The following SEMA4D variants were observed in gnomAD, a reference collection of about 807,000 sequenced individuals.
SEMA4D encodes semaphorin 4D, also known as semaphorin-4D.
SEMA4D carries 22 observed loss-of-function variants against 74.8 expected under a neutral mutation model. The observed-to-expected ratio is 0.29, with a 90% CI of 0.21 to 0.42. The LOEUF is 0.42. SEMA4D is among the 10% of genes least tolerant of loss of function. The pLI is 1.00. For missense variants in SEMA4D, 937 were observed against 1,118.4 expected, an observed-to-expected ratio of 0.84 and a Z score of 2.31; for synonymous variants, 445 against 463.7, an observed-to-expected ratio of 0.96 and a Z score of 0.52.
At chr9:89,420,419 G>A (rs561265468) in intron 2 of SEMA4D, among the ~76,000 whole-genome samples, 1 of 152,312 alleles carries the variant, frequency 6.6e-6, no homozygotes, top group Non-Finnish European at 1.5e-5. Flanking sequence ...AGAATCCAAT[G>A]GCCTGTTCAT....
rs149375386 is a variant in SEMA4D, at chr9:89,379,243, T to C, written c.2050A>G (p.Thr684Ala). ...GAGGAGGTGGCCTGCACGGCTGGGG[T>C]TGGGGGAGAAGACCCTTGGGTGGAT... ...VASTQGSSPP[T>A]PAVQATSSGA... Residue 684 changes from threonine to alanine, a missense_variant, in exon 16 of 16, where the codon ACC becomes GCC. By Grantham distance (58) the Thr-to-Ala change is moderately conservative. Coordinates refer to ENST00000422704, the MANE Select transcript of SEMA4D (RefSeq NM_001371194.2). 60 of 1,613,586 alleles carry C rather than the reference T, an allele frequency of 3.7e-5. No homozygotes were observed. The highest frequency in any genetic ancestry group is 4.9e-5 in the Non-Finnish European group (58 of 1,179,876).
chr9:89,415,252 C>T (rs941351326), intron 2 of SEMA4D, among the ~76,000 whole-genome samples: 2 of 152,172 alleles, frequency 1.3e-5, no homozygotes, highest in Non-Finnish European at 2.9e-5. Context: ...AATCATCTTC[C>T]ACTGGCCTAA....
chr9:89,362,264 A>G lies in SEMA4D; in HGVS notation c.*138T>C. ...GCCTCTGCCCATCAGGTGGTGGCCC[A>G]ATGGCTGTGTTCAGAGCAGGCTTGG... On this transcript the variant is annotated 3_prime_UTR_variant, in exon 19 of 19. Coordinates refer to the SEMA4D transcript ENST00000339861. 4 of 1,466,822 alleles carry G rather than the reference A, an allele frequency of 2.7e-6. No individual in the cohort carries two copies. The South Asian group carries it at 3.5e-5, about 13-fold the overall frequency. 90.9% of individuals were successfully genotyped at this position (1,466,822 alleles called of 1,614,324 possible).
intron 1 of SEMA4D, among the ~76,000 whole-genome samples, chr9:89,465,886 T>TG (rs1231637526): frequency 6.6e-6 from 1 of 152,212 alleles, no homozygotes; most frequent in East Asian, 1.9e-4. Flanking sequence ...GAGGAGAAGA[T>TG]GGAGTCCACA....
At chr9:89,363,974 C>A in intron 16 of SEMA4D, 1 of 1,613,956 alleles carries the variant, frequency 6.2e-7, no homozygotes, top group East Asian at 2.2e-5. Context: ...CCGTTTCCAC[C>A]TCTGAGTCCA....
At chr9:89,466,462 C>T (rs1381255091) in intron 1 of SEMA4D, among the ~76,000 whole-genome samples, 1 of 152,190 alleles carries the variant, frequency 6.6e-6, no homozygotes, top group Non-Finnish European at 1.5e-5. Context: ...CACGCTAACA[C>T]TCACAGGCCA....
chr9:89,478,477 A>C (rs1393784785), intron 1 of SEMA4D, among the ~76,000 whole-genome samples: 1 of 152,148 alleles, frequency 6.6e-6, no homozygotes, highest in Non-Finnish European at 1.5e-5. Flanking sequence ...TCTGACCTCC[A>C]GAACTGGGAG....
At chr9:89,447,848 C>T (rs917548995) in intron 2 of SEMA4D, among the ~76,000 whole-genome samples, 1 of 152,164 alleles carries the variant, frequency 6.6e-6, no homozygotes. Context: ...AGGGCCTTTG[C>T]TCCTTTGTTC....
In SEMA4D at chr9:89,392,453, T is replaced by G; in HGVS notation, c.592A>C (p.Arg198=). The G allele has an allele frequency of 6.2e-7, 1 of 1,613,720 alleles. No homozygotes were observed. Among genetic ancestry groups the G allele is most frequent in the Non-Finnish European group, 8.5e-7 (1 of 1,179,664 alleles). ...ISRNSSHSPL[R]TEYAIPWLNE... The stretch of plus-strand genomic sequence containing the variant: ...AGCCAAGGGATTGCATATTCTGTCC[T>G]CAGAGGACTGTGGGAAGAATTTCGG... The change falls in exon 8 of 16, where the codon AGG becomes CGG. Residue 198 remains arginine, a synonymous_variant. Transcript: ENST00000422704.
At chr9:89,364,807 G>A (rs1236807356) in intron 16 of SEMA4D, 1 of 152,272 alleles carries the variant, frequency 6.6e-6, no homozygotes, top group Admixed American at 6.5e-5. Context: ...GTTCCCCTGT[G>A]GCCCAGGCTG....
downstream of SEMA4D, among the ~76,000 whole-genome samples, chr9:89,374,429 G>A (rs1035724481): frequency 1.8e-4 from 27 of 152,366 alleles, no homozygotes; most frequent in African/African-American, 6.3e-4. Flanking sequence ...CAGCAGTGAA[G>A]GCAGTGTGGC....
intron 16 of SEMA4D, among the ~76,000 whole-genome samples, chr9:89,371,973 GGTGTGTGTCTGGGGTGTGGT>G (rs1835017899): frequency 8.2e-6 from 1 of 122,432 alleles, no homozygotes; most frequent in Non-Finnish European, 1.8e-5. Context: ...TGTGGGGTGT[GGTGTGTGTCTGGGGTGTGGT>G]GTGTGTCTGG....
intron 9 of SEMA4D, 25 bp from the exon 10 acceptor site, chr9:89,389,072 G>A (rs1156324611): frequency 1.2e-6 from 2 of 1,613,106 alleles, no homozygotes; most frequent in Non-Finnish European, 1.7e-6. Context: ...AGAAGACGTG[G>A]TGGGCCGAGA....
intron 2 of SEMA4D, among the ~76,000 whole-genome samples, chr9:89,454,076 C>T (rs1855329785): frequency 6.6e-6 from 1 of 152,066 alleles, no homozygotes; most frequent in Admixed American, 6.5e-5. Flanking sequence ...CCAGGATGGT[C>T]TCGATAGAAT....
At chr9:89,480,652 C>A (rs1456827078) in intron 1 of SEMA4D, among the ~76,000 whole-genome samples, 3 of 152,250 alleles carry the variant, frequency 2.0e-5, no homozygotes, top group Non-Finnish European at 2.9e-5. Flanking sequence ...TCCGCAGCCA[C>A]TGGCCCGGGT....
intron 1 of SEMA4D, among the ~76,000 whole-genome samples, chr9:89,476,374 C>A (rs542725883): frequency 3.9e-5 from 6 of 152,290 alleles, no homozygotes; most frequent in Admixed American, 2.6e-4. Context: ...GCCACAGTAC[C>A]CAGATATCTG....
At chr9:89,476,247 G>T (rs1328090501) in intron 1 of SEMA4D, among the ~76,000 whole-genome samples, 1 of 151,878 alleles carries the variant, frequency 6.6e-6, no homozygotes, top group African/African-American at 2.4e-5. Flanking sequence ...CCTTGAGCAA[G>T]CTCACACACC....
rs1835943632 is a variant in SEMA4D at position 89,377,275 on chromosome 9, A to G, written c.*1429T>C. 1 of 568,198 alleles carries G rather than the reference A, an allele frequency of 1.8e-6. No individual in the cohort carries two copies. Among genetic ancestry groups the G allele is most frequent in the African/African-American group, 1.9e-5 (1 of 53,276 alleles). 35.2% of individuals were successfully genotyped at this position (568,198 alleles called of 1,614,324 possible). A position where few individuals can be genotyped will look rare whatever the true frequency, so the allele number is the denominator to read the frequency against. ...TCTCATTTATTTGGGTACTTTCCAA[A>G]TGTATACAATTCAAAGTAGAAAAAT... On this transcript the variant is annotated 3_prime_UTR_variant, in exon 16 of 16. Coordinates refer to ENST00000422704, the MANE Select transcript of SEMA4D (RefSeq NM_001371194.2).
At chr9:89,370,849 CGTGTGTGTGTGGGATGTGGCGTGTGGG>C (rs1564495909) in intron 16 of SEMA4D, among the ~76,000 whole-genome samples, 7 of 59,164 alleles carry the variant, frequency 1.2e-4, no homozygotes, top group Non-Finnish European at 2.0e-4. Flanking sequence ...GTGTGTCGGG[CGTGTGTGTGTGGGATGTGGCGTGTGGG>C]GTGTGTGTCT....
Sources: allele counts gnomAD v4.1 joint callset (sites outside exome capture counted in the v4.1 genomes callset), GRCh38; gene constraint gnomAD v4.1.1; transcripts MANE v1.5; gene names NCBI Gene and HGNC (gene_info 2026-07-23, HGNC 2026-07-21).